Variants in YY1 observed in about 807,000 individuals in gnomAD.
The protein encoded by YY1 is transcriptional repressor protein YY1.
YY1 carries 2 observed loss-of-function variants against 35.6 expected under a neutral mutation model. The observed-to-expected ratio is 0.06, with a 90% CI of 0.02 to 0.18. The LOEUF is 0.18. Among genes scored for constraint, YY1 ranks in the 10% least tolerant of loss-of-function variants. The pLI, the probability that YY1 is intolerant of heterozygous loss-of-function variation, is 1.00. For missense variants in YY1, 322 were observed against 573.4 expected, an observed-to-expected ratio of 0.56 and a Z score of 4.48; for synonymous variants, 268 against 238.9, an observed-to-expected ratio of 1.12 and a Z score of -1.12.
At chr14:100,260,756 C>T (rs1174770238) in intron 1 of YY1, among the ~76,000 whole-genome samples, 1 of 137,752 alleles carries the variant, frequency 7.3e-6, no homozygotes, top group African/African-American at 2.7e-5. Flanking sequence ...CAGGTGTGAG[C>T]CACCGTGCCT....
chr14:100,245,458 A>C (rs1391354053), intron 1 of YY1, among the ~76,000 whole-genome samples: 2 of 152,096 alleles, frequency 1.3e-5, no homozygotes, highest in African/African-American at 2.4e-5. Context: ...GAATAATCTT[A>C]ATCAATTGCT....
chr14:100,239,850 C>T lies in YY1; in HGVS notation c.606C>T (p.Asn202=). The T allele has an allele frequency of 2.6e-6, 4 of 1,511,704 alleles. No individual in the cohort carries two copies. In the South Asian group the frequency reaches 3.7e-5, roughly 14 times the overall value. 93.6% of individuals were successfully genotyped at this position (1,511,704 alleles called of 1,614,324 possible). A position where few individuals can be genotyped will look rare whatever the true frequency, so the allele number is the denominator to read the frequency against. ...AAGGGGADPG[N]KKWEQKQVQI... ...GCGGCGGCGGCGCCGACCCGGGCAA[C>T]AAGAAGTGGGAGCAGAAGCAGGTGC... The change falls in exon 1 of 5, where the codon AAC becomes AAT. Residue 202 remains asparagine, a synonymous_variant. Transcript: ENST00000262238.
chr14:100,248,102 G>T (rs900647340), intron 1 of YY1, among the ~76,000 whole-genome samples: 2 of 134,770 alleles, frequency 1.5e-5, no homozygotes, highest in African/African-American at 2.8e-5. Context: ...GCACCACCAC[G>T]CCCGGCTAAT....
intron 1 of YY1, among the ~76,000 whole-genome samples, chr14:100,246,570 C>T (rs1890837127): frequency 6.6e-6 from 1 of 152,210 alleles, no homozygotes; most frequent in Non-Finnish European, 1.5e-5. Context: ...TTCTGTTACA[C>T]TGAATAGAGA....
chr14:100,281,044 A>G lies in YY1; in HGVS notation c.*3444A>G, dbSNP rs1891416328. 1 of 128,952 alleles carries G rather than the reference A, an allele frequency of 7.8e-6. No homozygotes were observed. 8.0% of individuals were successfully genotyped at this position (128,952 alleles called of 1,614,324 possible). A position where few individuals can be genotyped will look rare whatever the true frequency, so the allele number is the denominator to read the frequency against. Reference sequence around the variant, plus strand: ...CACTGCACTCCAGCCTGGGTGACAGAGCAAGACTCCGTCTCCCAAAAAAAA... The same window carrying G: ...CACTGCACTCCAGCCTGGGTGACAGGGCAAGACTCCGTCTCCCAAAAAAAA... On this transcript the variant is annotated 3_prime_UTR_variant, in exon 5 of 5. Transcript: ENST00000262238.
chr14:100,271,606 A>G lies in YY1; in HGVS notation c.843-3092A>G, dbSNP rs139206903. Among the ~76,000 whole-genome samples, 5 of 152,324 alleles carry G rather than the reference A, an allele frequency of 3.3e-5. No homozygotes were observed. In the East Asian group the frequency reaches 7.7e-4, roughly 24 times the overall value. Reference sequence around the variant, plus strand: ...ATCTTAAGGCTAGGACTCGGGTTTAAATACGAAATTTGAAATTCATTTGTG... The same window carrying G: ...ATCTTAAGGCTAGGACTCGGGTTTAGATACGAAATTTGAAATTCATTTGTG... On this transcript the variant is annotated intron_variant, in intron 2 of 4. Transcript: ENST00000262238.
At chr14:100,259,621 G>C (rs1420578291) in intron 1 of YY1, among the ~76,000 whole-genome samples, 1 of 152,150 alleles carries the variant, frequency 6.6e-6, no homozygotes, top group Non-Finnish European at 1.5e-5. Flanking sequence ...AATCAAGACT[G>C]AACTGATAAA....
At position 100,277,356 on chromosome 14, in the gene YY1, C is replaced by T. The variant is rs780629652; in HGVS notation, c.1063-62C>T. On this transcript the variant is annotated intron_variant, in intron 4 of 4. Transcript: ENST00000262238. This position sits in a 1 kb window ranked among gnomAD's most constrained non-coding sequence, Gnocchi z 5.6. ...CTGTTCTCTAGCAAAGCAGTGAGCTCCTGACTCCCAGGGTCTGGTCAGAGT... is the reference window on the plus strand; with the variant it reads ...CTGTTCTCTAGCAAAGCAGTGAGCTTCTGACTCCCAGGGTCTGGTCAGAGT... The T allele has an allele frequency of 3.1e-6, 5 of 1,594,606 alleles. No homozygotes were observed. Among genetic ancestry groups the T allele is most frequent in the Non-Finnish European group, 4.3e-6 (5 of 1,162,658 alleles).
intron 3 of YY1, 46 bp downstream of exon 3, chr14:100,274,804 T>C: frequency 6.4e-7 from 1 of 1,555,678 alleles, no homozygotes; most frequent in Non-Finnish European, 8.9e-7. Context: ...GTTGATGAAG[T>C]TTTAGAGAGT....
intron 2 of YY1, among the ~76,000 whole-genome samples, chr14:100,267,279 A>G (rs1891168822): frequency 6.6e-6 from 1 of 152,158 alleles, no homozygotes; most frequent in Non-Finnish European, 1.5e-5. Context: ...TGCAGCTCCT[A>G]TGTTGTATAC....
intron 1 of YY1, among the ~76,000 whole-genome samples, chr14:100,240,244 C>A (rs760756349): frequency 0.043 from 5,950 of 138,678 alleles, 141 homozygotes; most frequent in Non-Finnish European, 0.053. Context: ...CGCCCTCGCT[C>A]CCCGCGCCCG....
In YY1 at chr14:100,253,403, C is replaced by T. The variant is rs189731524; in HGVS notation, c.680-8901C>T. Among the ~76,000 whole-genome samples the T allele has an allele frequency of 7.9e-5, 12 of 152,226 alleles. No individual in the cohort carries two copies. The East Asian group carries it at 2.3e-3, about 29-fold the overall frequency. ...TATTTTTAGTAGCAATGGAGGTTTG[C>T]CATGTTAGCCAGGCTAGTCTTTTTT... On this transcript the variant is annotated intron_variant, in intron 1 of 4. Coordinates refer to ENST00000262238, the MANE Select transcript of YY1 (RefSeq NM_003403.5).
chr14:100,240,334 CG>C (rs1162007678), intron 1 of YY1, among the ~76,000 whole-genome samples: 1 of 147,064 alleles, frequency 6.8e-6, no homozygotes, highest in East Asian at 2.0e-4. Flanking sequence ...AGGTCGTTGG[CG>C]GGGCTGCGCC....
intron 2 of YY1, among the ~76,000 whole-genome samples, chr14:100,271,451 C>A (rs1891237419): frequency 6.6e-6 from 1 of 152,034 alleles, no homozygotes; most frequent in South Asian, 2.1e-4. Flanking sequence ...AAGGCTAGTT[C>A]AGAGTCCTGT....
At position 100,276,352 on chromosome 14, in the gene YY1, A is replaced by G. The variant is rs1370695692; in HGVS notation, c.904-138A>G. 1.9e-5 allele frequency: 22 copies of G among 1,148,506 alleles called. No homozygotes were observed. The highest frequency in any genetic ancestry group is 2.8e-5 in the Non-Finnish European group (22 of 790,646). 71.1% of individuals were successfully genotyped at this position (1,148,506 alleles called of 1,614,324 possible). On this transcript the variant is annotated intron_variant, in intron 3 of 4. Coordinates refer to ENST00000262238, the MANE Select transcript of YY1 (RefSeq NM_003403.5). The surrounding 1 kb of genome is among the most constrained non-coding windows in gnomAD (Gnocchi z 4.1). ...TTGTCTTAAATGATATTAATGTTCT[A>G]CCGTAATACTAAGTAAAATTAAAAT...
intron 1 of YY1, among the ~76,000 whole-genome samples, chr14:100,256,396 C>CT (rs1891006748): frequency 6.6e-6 from 1 of 152,188 alleles, no homozygotes; most frequent in Non-Finnish European, 1.5e-5. Context: ...ACTCAGGTGG[C>CT]ATACTTGGCA....
chr14:100,282,519 G>A lies in YY1; in HGVS notation c.*4919G>A, dbSNP rs899798915. 6.6e-6 allele frequency: 1 copy of A among 152,096 alleles called. No homozygotes were observed. Among genetic ancestry groups the A allele is most frequent in the African/African-American group, 2.4e-5 (1 of 41,396 alleles). 9.4% of individuals were successfully genotyped at this position (152,096 alleles called of 1,614,324 possible). Reference sequence around the variant, plus strand: ...GGTGAGAAAAATTATGTTTTTATTCGCTTTCTGGTAACTTCTGTAGGCCCT... The same window carrying A: ...GGTGAGAAAAATTATGTTTTTATTCACTTTCTGGTAACTTCTGTAGGCCCT... On this transcript the variant is annotated 3_prime_UTR_variant, in exon 5 of 5. Coordinates refer to ENST00000262238, the MANE Select transcript of YY1 (RefSeq NM_003403.5).
At chr14:100,253,486 C>T (rs543213803) in intron 1 of YY1, among the ~76,000 whole-genome samples, 12 of 152,312 alleles carry the variant, frequency 7.9e-5, no homozygotes, top group East Asian at 3.9e-4. Flanking sequence ...GGCGTGATCT[C>T]GGCTCACTGC....
At chr14:100,247,922 T>C (rs1890857219) in intron 1 of YY1, among the ~76,000 whole-genome samples, 1 of 152,158 alleles carries the variant, frequency 6.6e-6, no homozygotes, top group Non-Finnish European at 1.5e-5. Context: ...TCTATTCCTT[T>C]ACAAACAGAA....
Sources: gnomAD v4.1 joint callset for allele counts (sites outside exome capture counted in the v4.1 genomes callset) on GRCh38, gnomAD v4.1.1 for gene constraint, Gnocchi (gnomAD v3.1) non-coding constraint, MANE v1.5 for transcripts, NCBI Gene and HGNC (gene_info 2026-07-23, HGNC 2026-07-21) for gene names.